Variants in GPR174 observed in about 807,000 individuals in gnomAD.
GPR174 encodes G protein-coupled receptor 174.
Under a neutral mutation model 16.5 loss-of-function variants are expected in GPR174, and 8 were observed. That is an observed-to-expected ratio of 0.48 (90% CI 0.28 to 0.87). The LOEUF (loss-of-function observed/expected upper bound fraction) is 0.87, where lower values mean the gene tolerates loss of function less well. Among genes scored for constraint, GPR174 ranks in the 40% least tolerant of loss-of-function variants. The pLI, the probability that GPR174 is intolerant of heterozygous loss-of-function variation, is 0.09. For missense variants in GPR174, 214 were observed against 247.5 expected, an observed-to-expected ratio of 0.86 and a Z score of 0.91; for synonymous variants, 111 against 94.8, an observed-to-expected ratio of 1.17 and a Z score of -0.99.
chrX:79,145,909 AT>A lies in GPR174; in HGVS notation c.-654+695del, dbSNP rs1602333922. On this transcript the variant is annotated intron_variant, in intron 1 of 2. Transcript: ENST00000645147. Reference sequence around the variant, plus strand: ...GCTCTGTTTTTCATAGATAAGCTCTATTTACGATAGTAAGTAATCAGCACAT... The same window carrying A: ...GCTCTGTTTTTCATAGATAAGCTCTATTACGATAGTAAGTAATCAGCACAT... Among the ~76,000 whole-genome samples, 3 of 111,911 alleles carry A rather than the reference AT, an allele frequency of 2.7e-5. No individual in the cohort carries two copies. In the Admixed American group the frequency reaches 2.8e-4, roughly 11 times the overall value.
chrX:79,160,122 T>A (rs781255873), intron 2 of GPR174, among the ~76,000 whole-genome samples: 1 of 111,470 alleles, frequency 9.0e-6, no homozygotes, highest in Non-Finnish European at 1.9e-5. Flanking sequence ...TTGGAATGGG[T>A]TTGAGCTGAT....
chrX:79,169,551 C>T (rs1028560727), intron 2 of GPR174, among the ~76,000 whole-genome samples: 4 of 111,597 alleles, frequency 3.6e-5, no homozygotes, highest in African/African-American at 1.3e-4. Context: ...TTCAGGGGCT[C>T]AATGACGCAC....
In GPR174 at chrX:79,172,162, C is replaced by G; in HGVS notation, c.*153C>G. The stretch of plus-strand genomic sequence containing the variant: ...GGGAATTCACTTCTTCAAAGCAGGA[C>G]CTATTTGGAGCATTACGATCCACGA... On this transcript the variant is annotated 3_prime_UTR_variant, in exon 3 of 3. Coordinates refer to ENST00000645147, the MANE Select transcript of GPR174 (RefSeq NM_032553.3). 1 of 520,136 alleles carries G rather than the reference C, an allele frequency of 1.9e-6. No homozygotes were observed. The highest frequency in any genetic ancestry group is 3.7e-5 in the East Asian group (1 of 26,980). The allele number at this position is 520,136 out of a possible 1,213,427, so 42.9% of individuals were successfully genotyped here.
intron 1 of GPR174, among the ~76,000 whole-genome samples, chrX:79,148,392 C>G (rs1013597387): frequency 2.7e-5 from 3 of 112,208 alleles, no homozygotes; most frequent in Non-Finnish European, 5.6e-5. Flanking sequence ...TCTGTACATT[C>G]TCAGCAACGA....
chrX:79,147,459 A>G (rs1926522047), intron 1 of GPR174, among the ~76,000 whole-genome samples: 1 of 106,350 alleles, frequency 9.4e-6, no homozygotes, highest in South Asian at 4.3e-4. Flanking sequence ...GGGCTTTACC[A>G]CTGTTTCCTT....
Position 79,174,250 on chromosome X carries a change from A to C in GPR174, c.*2241A>C, listed in dbSNP as rs933302254. ...TTAGCTGAGGACACCCTTTTTCCCCAGGCCTGCCCATCTACGTTTGTATTC... is the reference window on the plus strand; with the variant it reads ...TTAGCTGAGGACACCCTTTTTCCCCCGGCCTGCCCATCTACGTTTGTATTC... On this transcript the variant is annotated 3_prime_UTR_variant, in exon 3 of 3. Transcript: ENST00000645147. The C allele has an allele frequency of 9.3e-6, 1 of 107,238 alleles. No homozygotes were observed. The highest frequency in any genetic ancestry group is 1.0e-4 in the Admixed American group (1 of 9,862). The allele number at this position is 107,238 out of a possible 1,213,427, so 8.8% of individuals were successfully genotyped here.
Position 79,171,911 on chromosome X carries a change from C to T in GPR174, c.904C>T (p.Arg302Trp), listed in dbSNP as rs766754517. The part of the protein sequence containing the change: ...YYFSTNEFRR[R>W]LSRQDLHDSI... Reference sequence around the variant, plus strand: ...CTTTTCCACTAATGAGTTCCGAAGACGGCTTTCAAGACAAGATTTGCATGA... The same window carrying T: ...CTTTTCCACTAATGAGTTCCGAAGATGGCTTTCAAGACAAGATTTGCATGA... Residue 302 changes from arginine to tryptophan, a missense_variant, in exon 3 of 3, where the codon CGG becomes TGG. Physicochemically the swap from Arg to Trp is moderately radical, Grantham distance 101 (BLOSUM62 -3). Transcript: ENST00000645147. The T allele has an allele frequency of 2.1e-5, 25 of 1,208,796 alleles. No homozygotes were observed. The highest frequency in any genetic ancestry group is 5.3e-5 in the African/African-American group (3 of 56,996).
At chrX:79,146,070 A>G (rs1217001123) in intron 1 of GPR174, among the ~76,000 whole-genome samples, 1 of 111,933 alleles carries the variant, frequency 8.9e-6, no homozygotes, top group African/African-American at 3.2e-5. Flanking sequence ...GTGCTCCAAG[A>G]GAAAATGTTT....
rs753195995 is a variant in GPR174 at position 79,171,350 on chromosome X, C to T, written c.343C>T (p.Arg115Ter). ...CTACTTCTTGGTCTGCATCAGTGTG[C>T]GACGATTTTGGTTTCTCATGTACCC... ...SIYFLVCISVRRFWFLMYPFR... is the reference protein window; with the variant it reads ...SIYFLVCISV The change falls in exon 3 of 3, where the codon CGA becomes TGA. Residue 115 changes from arginine to a stop codon, truncating the protein, a stop_gained. Coordinates refer to ENST00000645147, the MANE Select transcript of GPR174 (RefSeq NM_032553.3). LOFTEE classifies it high-confidence loss of function. 4 of 1,211,306 alleles carry T rather than the reference C, an allele frequency of 3.3e-6. No individual in the cohort carries two copies. Among genetic ancestry groups the T allele is most frequent in the Admixed American group, 4.3e-5 (2 of 46,010 alleles).
rs1490600624 is a variant in GPR174, at chrX:79,172,716, C to A, written c.*707C>A. 1.8e-5 allele frequency: 2 copies of A among 111,600 alleles called. No individual in the cohort carries two copies. The highest frequency in any genetic ancestry group is 6.5e-5 in the African/African-American group (2 of 30,658). The allele number at this position is 111,600 out of a possible 1,213,427, so 9.2% of individuals were successfully genotyped here. The stretch of plus-strand genomic sequence containing the variant: ...CAACCCTCTGTGACTGGAAAAGATG[C>A]CGTGTTGCATCTACCTAGGACAGGT... On this transcript the variant is annotated 3_prime_UTR_variant, in exon 3 of 3. Transcript: ENST00000645147.
At chrX:79,169,123 G>A (rs1386855858) in intron 2 of GPR174, among the ~76,000 whole-genome samples, 5 of 111,495 alleles carry the variant, frequency 4.5e-5, no homozygotes, top group Non-Finnish European at 9.4e-5. Flanking sequence ...GCTGAATTCA[G>A]GCAATCAATT....
At chrX:79,162,280 T>C (rs1315673349) in intron 2 of GPR174, among the ~76,000 whole-genome samples, 2 of 111,518 alleles carry the variant, frequency 1.8e-5, no homozygotes, top group African/African-American at 6.5e-5. Context: ...ATGGGCAGTG[T>C]TCAAAGCACC....
chrX:79,150,631 A>G (rs1926583142), intron 1 of GPR174, among the ~76,000 whole-genome samples: 1 of 111,895 alleles, frequency 8.9e-6, no homozygotes, highest in South Asian at 3.7e-4. Flanking sequence ...TTTCATATCT[A>G]AAAATTTGTT....
intron 1 of GPR174, among the ~76,000 whole-genome samples, chrX:79,154,606 T>C (rs1012787522): frequency 1.8e-5 from 2 of 110,928 alleles, no homozygotes; most frequent in African/African-American, 3.3e-5. Context: ...ATTCTTTGTA[T>C]ATTCCCCAAT....
chrX:79,155,574 C>T (rs1018736705), intron 1 of GPR174, among the ~76,000 whole-genome samples: 3 of 111,006 alleles, frequency 2.7e-5, no homozygotes, highest in Non-Finnish European at 3.8e-5. Flanking sequence ...TGTTATGTGC[C>T]AAGCCCTGGC....
intron 2 of GPR174, among the ~76,000 whole-genome samples, chrX:79,165,943 T>C (rs1434955321): frequency 3.6e-5 from 4 of 111,833 alleles, no homozygotes; most frequent in African/African-American, 6.5e-5. Context: ...CAAATGTTCA[T>C]GTTTTCTCTG....
At chrX:79,147,062 G>T (rs1460584016) in intron 1 of GPR174, among the ~76,000 whole-genome samples, 2 of 111,775 alleles carry the variant, frequency 1.8e-5, no homozygotes, top group Non-Finnish European at 3.8e-5. Context: ...CAGAGAATAA[G>T]AAATTGTCAG....
intron 1 of GPR174, among the ~76,000 whole-genome samples, chrX:79,152,733 A>T (rs1301037704): frequency 8.9e-6 from 1 of 111,782 alleles, no homozygotes; most frequent in African/African-American, 3.2e-5. Flanking sequence ...AGAAGTATAA[A>T]CCTGAAGAAG....
In GPR174 at chrX:79,170,733, C is replaced by T. The variant is rs1921490858; in HGVS notation, c.-275C>T. On this transcript the variant is annotated 5_prime_UTR_variant, in exon 3 of 3. Transcript: ENST00000645147. Reference sequence around the variant, plus strand: ...ATGTCCCAGAGGGCCTTAAAATAAACAAGAGGGGAAATTGTAACAGCTTGT... The same window carrying T: ...ATGTCCCAGAGGGCCTTAAAATAAATAAGAGGGGAAATTGTAACAGCTTGT... 3.1e-6 allele frequency: 1 copy of T among 324,619 alleles called. No homozygotes were observed. Among genetic ancestry groups the T allele is most frequent in the Admixed American group, 5.6e-5 (1 of 17,743 alleles). The allele number at this position is 324,619 out of a possible 1,213,427, so 26.8% of individuals were successfully genotyped here. A position where few individuals can be genotyped will look rare whatever the true frequency, so the allele number is the denominator to read the frequency against.
Sources: gnomAD v4.1 joint callset for allele counts (sites outside exome capture counted in the v4.1 genomes callset) on GRCh38, gnomAD v4.1.1 for gene constraint, MANE v1.5 for transcripts, NCBI Gene and HGNC (gene_info 2026-07-23, HGNC 2026-07-21) for gene names.